Variants in LDAH observed in about 807,000 individuals in gnomAD.
LDAH encodes lipid droplet associated hydrolase, also known as lipid droplet-associated hydrolase.
Under a neutral mutation model 29.6 loss-of-function variants are expected in LDAH, and 26 were observed. That is an observed-to-expected ratio of 0.88 (90% CI 0.64 to 1.22). LDAH has a LOEUF of 1.22. Ranked by LOEUF, LDAH falls within the 50% of genes most tolerant of loss-of-function variation. The pLI, the probability that LDAH is intolerant of heterozygous loss-of-function variation, is 0.00. For synonymous variants in LDAH, 117 were observed against 133.0 expected (o/e 0.88, Z 0.83); for missense variants, 344 against 387.3 (o/e 0.89, Z 0.94).
chr2:20,716,838 A>T (rs1306731680), intron 5 of LDAH, among the ~76,000 whole-genome samples: 1 of 99,070 alleles, frequency 1.0e-5, no homozygotes, highest in African/African-American at 3.0e-5. Flanking sequence ...CAATCTGAGC[A>T]ATTTCGGAAT....
intron 6 of LDAH, among the ~76,000 whole-genome samples, chr2:20,689,528 C>G (rs1256559491): frequency 6.6e-6 from 1 of 152,174 alleles, no homozygotes; most frequent in Non-Finnish European, 1.5e-5. Flanking sequence ...TAGAAAAACA[C>G]GTTTCCCCGG....
intron 1 of LDAH, among the ~76,000 whole-genome samples, chr2:20,808,662 A>G (rs1183212385): frequency 6.6e-6 from 1 of 151,866 alleles, no homozygotes; most frequent in Non-Finnish European, 1.5e-5. Flanking sequence ...CGTCTCAAAA[A>G]AAAAAAAAAA....
At chr2:20,708,250 G>T (rs956959770) in intron 5 of LDAH, among the ~76,000 whole-genome samples, 2 of 152,182 alleles carry the variant, frequency 1.3e-5, no homozygotes, top group Non-Finnish European at 2.9e-5. Context: ...TTCCAAAAAG[G>T]TTGGGGACTG....
chr2:20,804,175 A>T (rs559251314), intron 1 of LDAH, among the ~76,000 whole-genome samples: 99 of 152,338 alleles, frequency 6.5e-4, no homozygotes, highest in African/African-American at 2.2e-3. Flanking sequence ...ACCACAGACA[A>T]GCAACTGATG....
intron 5 of LDAH, among the ~76,000 whole-genome samples, chr2:20,705,074 C>T (rs1324918813): frequency 1.3e-5 from 2 of 152,200 alleles, no homozygotes; most frequent in Non-Finnish European, 2.9e-5. Context: ...TTTACTGAAG[C>T]ACATTTTCCA....
At chr2:20,699,903 T>G (rs962265082) in intron 6 of LDAH, among the ~76,000 whole-genome samples, 2 of 152,222 alleles carry the variant, frequency 1.3e-5, no homozygotes, top group African/African-American at 4.8e-5. Context: ...TTGACCTTTT[T>G]CTGAGCACAA....
chr2:20,810,360 A>G (rs751219848), intron 1 of LDAH, among the ~76,000 whole-genome samples: 1 of 152,224 alleles, frequency 6.6e-6, no homozygotes, highest in African/African-American at 2.4e-5. Flanking sequence ...CAAGAGTACC[A>G]GATTAAAGTT....
intron 3 of LDAH, among the ~76,000 whole-genome samples, chr2:20,781,096 G>C (rs941636025): frequency 2.0e-5 from 3 of 152,140 alleles, no homozygotes; most frequent in Non-Finnish European, 2.9e-5. Context: ...AAACCAGCAT[G>C]ATTTCTAGCT....
Position 20,685,032 on chromosome 2 carries a change from G to A in LDAH, c.*1871C>T. 1 of 1,422,152 alleles carries A rather than the reference G, an allele frequency of 7.0e-7. No individual in the cohort carries two copies. Among genetic ancestry groups the A allele is most frequent in the Non-Finnish European group, 9.5e-7 (1 of 1,052,188 alleles). 88.1% of individuals were successfully genotyped at this position (1,422,152 alleles called of 1,614,324 possible). ...ATTGTACCCTCTCTTGCCCAACACAGAGATCAGGCCAGACCAGGTCAGAAA... is the reference window on the plus strand; with the variant it reads ...ATTGTACCCTCTCTTGCCCAACACAAAGATCAGGCCAGACCAGGTCAGAAA... On this transcript the variant is annotated 3_prime_UTR_variant, in exon 7 of 7. Coordinates refer to ENST00000237822, the MANE Select transcript of LDAH (RefSeq NM_021925.4).
chr2:20,686,931 G>A lies in LDAH; in HGVS notation c.950C>T (p.Ser317Phe), dbSNP rs1662600553. 1.2e-6 allele frequency: 2 copies of A among 1,613,944 alleles called. No individual in the cohort carries two copies. The highest frequency in any genetic ancestry group is 2.2e-5 in the South Asian group (2 of 91,014). The change falls in exon 7 of 7, where the codon TCC becomes TTC. Residue 317 changes from serine (S) to phenylalanine (F), a missense_variant. Ser to Phe is a radical substitution (Grantham distance 155). Coordinates refer to ENST00000237822, the MANE Select transcript of LDAH (RefSeq NM_021925.4). ...NQEMADMIAD[S>F]LKDDLSKM ...CATTTTGGACAAGTCATCCTTTAGG[G>A]AGTCAGCAATCATGTCTGCCATTTC...
chr2:20,789,003 C>A, intron 3 of LDAH: 2 of 896,464 alleles, frequency 2.2e-6, no homozygotes, highest in Non-Finnish European at 3.4e-6. Context: ...CTCTCTCCAG[C>A]TCTCAAAGTC....
At chr2:20,770,656 C>T (rs929271608) in intron 4 of LDAH, among the ~76,000 whole-genome samples, 2 of 152,162 alleles carry the variant, frequency 1.3e-5, no homozygotes, top group African/African-American at 4.8e-5. Context: ...AGAGCATTCA[C>T]GGGGTTTCCT....
Position 20,740,176 on chromosome 2 carries a change from T to G in LDAH, c.498A>C (p.Thr166=). ...TGGGTGACTCAGACATTCGTTCAAT[T>G]GTTGGAAAGAGCAGAAAGGCACGAA... The part of the protein sequence containing the change: ...PVIRAFLLFP[T]IERMSESPNG... The change falls in exon 5 of 7, where the codon ACA becomes ACC. Residue 166 remains threonine, a synonymous_variant. Coordinates refer to ENST00000237822, the MANE Select transcript of LDAH (RefSeq NM_021925.4). 1 of 1,614,084 alleles carries G rather than the reference T, an allele frequency of 6.2e-7. No individual in the cohort carries two copies. The highest frequency in any genetic ancestry group is 1.7e-5 in the Admixed American group (1 of 60,022).
intron 5 of LDAH, among the ~76,000 whole-genome samples, chr2:20,712,017 T>A (rs1035611991): frequency 2.0e-5 from 3 of 152,208 alleles, no homozygotes; most frequent in African/African-American, 7.2e-5. Context: ...GTCTGACAGC[T>A]CTGAAGACAG....
rs866702561 is a variant in LDAH, at chr2:20,684,840, G to T, written c.*2063C>A. On this transcript the variant is annotated 3_prime_UTR_variant, in exon 7 of 7. Transcript: ENST00000237822. The stretch of plus-strand genomic sequence containing the variant: ...CAGGCAGAGCTGCTTCTGGAAAATG[G>T]ATTTCTTCCACTGTTTGTCCATTTT... The T allele has an allele frequency of 3.3e-6, 5 of 1,534,540 alleles. No individual in the cohort carries two copies. In the African/African-American group the frequency reaches 4.2e-5, roughly 13 times the overall value.
chr2:20,689,361 A>G (rs998864747), intron 6 of LDAH, among the ~76,000 whole-genome samples: 17 of 152,222 alleles, frequency 1.1e-4, no homozygotes, highest in Non-Finnish European at 2.4e-4. Flanking sequence ...GCCAGAATTC[A>G]TTTTGCCATG....
intron 4 of LDAH, among the ~76,000 whole-genome samples, chr2:20,755,087 T>C (rs1668239425): frequency 6.6e-6 from 1 of 151,856 alleles, no homozygotes; most frequent in African/African-American, 2.4e-5. Flanking sequence ...TATATTCAAT[T>C]TATCCTCAAA....
chr2:20,789,953 C>T (rs560529754), intron 3 of LDAH, among the ~76,000 whole-genome samples: 5 of 152,240 alleles, frequency 3.3e-5, no homozygotes, highest in South Asian at 2.1e-4. Context: ...CTGCTTTTTC[C>T]CCACCATTCC....
intron 5 of LDAH, among the ~76,000 whole-genome samples, chr2:20,705,859 T>C (rs762614813): frequency 6.6e-6 from 1 of 152,202 alleles, no homozygotes; most frequent in African/African-American, 2.4e-5. Context: ...AGTTTTCACA[T>C]AGTTATACCG....
Sources: allele counts gnomAD v4.1 joint callset (sites outside exome capture counted in the v4.1 genomes callset), GRCh38; gene constraint gnomAD v4.1.1; transcripts MANE v1.5; gene names NCBI Gene and HGNC (gene_info 2026-07-23, HGNC 2026-07-21).